PTPRD: variants seen among roughly 807,000 people sequenced by gnomAD.
PTPRD encodes the protein protein tyrosine phosphatase receptor type D, also known as receptor-type tyrosine-protein phosphatase delta.
A neutral mutation model predicts 214.5 loss-of-function variants in PTPRD; 34 were observed. The ratio of observed to expected loss-of-function variants is 0.16; its 90% CI spans 0.12 to 0.21. The LOEUF (loss-of-function observed/expected upper bound fraction) is 0.21. PTPRD is among the 10% of genes least tolerant of loss of function. The probability of loss-of-function intolerance (pLI) is 1.00; values close to 1 mark genes in which losing one functional copy is unlikely to be tolerated. For missense variants in PTPRD, 2,545 were observed against 2,398.7 expected, an observed-to-expected ratio of 1.06 and a Z score of -1.27; for synonymous variants, 1,128 against 845.7, an observed-to-expected ratio of 1.33 and a Z score of -5.79.
Position 8,499,833 on chromosome 9 carries a change from A to G in PTPRD, c.2136T>C (p.Ser712=). 6.2e-7 allele frequency: 1 copy of G among 1,609,834 alleles called. No homozygotes were observed. The highest frequency in any genetic ancestry group is 8.5e-7 in the Non-Finnish European group (1 of 1,178,202). ...CTACCTCGACTTTGCGAGGAGGACC[A>G]CTAGGAACTGGAACAACATCATTGG... The part of the protein sequence containing the change: ...VLIRTNEDVP[S]GPPRKVEVEA... The change falls in exon 25 of 46, where the codon AGT becomes AGC. Residue 712 remains serine (S), a synonymous_variant. Coordinates refer to ENST00000381196, the MANE Select transcript of PTPRD (RefSeq NM_002839.4).
intron 3 of PTPRD, among the ~76,000 whole-genome samples, chr9:10,133,526 CAAAT>C (rs1186687131): frequency 6.7e-6 from 1 of 150,324 alleles, no homozygotes; most frequent in Non-Finnish European, 1.5e-5. Context: ...TGTACGTGCA[CAAAT>C]AACATAAATA....
chr9:8,497,162 G>A, intron 26 of PTPRD, 80 bp downstream of exon 26: 1 of 1,230,306 alleles, frequency 8.1e-7, no homozygotes, highest in Non-Finnish European at 1.1e-6. Flanking sequence ...TGTGATGACA[G>A]ATCACAAATA....
At chr9:10,013,529 G>T (rs1174196363) in intron 4 of PTPRD, among the ~76,000 whole-genome samples, 5 of 150,638 alleles carry the variant, frequency 3.3e-5, no homozygotes, top group African/African-American at 9.7e-5. Flanking sequence ...TAATTTCAGA[G>T]GTAAAGTCAG....
intron 34 of PTPRD, among the ~76,000 whole-genome samples, chr9:8,440,556 G>A (rs186562119): frequency 5.3e-5 from 8 of 152,244 alleles, no homozygotes; most frequent in South Asian, 2.1e-4. Flanking sequence ...CTCATGATCC[G>A]CCTGCCTCGG....
intron 10 of PTPRD, among the ~76,000 whole-genome samples, chr9:9,088,400 T>C (rs1194982039): frequency 6.6e-6 from 1 of 150,908 alleles, no homozygotes; most frequent in Non-Finnish European, 1.5e-5. Flanking sequence ...ACCAACATGG[T>C]GAAACCCTGT....
At chr9:10,366,926 T>C (rs2097527670) in intron 2 of PTPRD, among the ~76,000 whole-genome samples, 1 of 152,120 alleles carries the variant, frequency 6.6e-6, no homozygotes, top group Admixed American at 6.6e-5. Context: ...GGATAATGAT[T>C]AGGAAGAAGG....
At chr9:9,780,557 C>G (rs377376569) in intron 5 of PTPRD, among the ~76,000 whole-genome samples, 24 of 152,182 alleles carry the variant, frequency 1.6e-4, no homozygotes, top group African/African-American at 5.8e-4. Flanking sequence ...TTAGCAAACA[C>G]AGAATAACAA....
chr9:9,921,629 G>A (rs1180177658), intron 5 of PTPRD, among the ~76,000 whole-genome samples: 2 of 146,390 alleles, frequency 1.4e-5, no homozygotes, highest in African/African-American at 5.3e-5. Context: ...AAAATTAAAA[G>A]CCCTGATTTT....
chr9:9,441,707 A>G (rs961969745), intron 8 of PTPRD, among the ~76,000 whole-genome samples: 6 of 152,212 alleles, frequency 3.9e-5, no homozygotes, highest in Admixed American at 3.9e-4. Context: ...ACCGAAAAAA[A>G]AATCCACTTT....
At chr9:9,711,964 A>G (rs1164804815) in intron 7 of PTPRD, among the ~76,000 whole-genome samples, 5 of 152,200 alleles carry the variant, frequency 3.3e-5, no homozygotes, top group Non-Finnish European at 7.3e-5. Flanking sequence ...GGGCACAAAT[A>G]CTGTCATTCT....
At position 9,830,447 on chromosome 9, in the gene PTPRD, C is replaced by T. The variant is rs145140667; in HGVS notation, c.-367-63596G>A. Among the ~76,000 whole-genome samples the T allele has an allele frequency of 2.6e-3, 398 of 151,858 alleles. 1 individual carries two copies. Among genetic ancestry groups the T allele is most frequent in the African/African-American group, 9.3e-3 (384 of 41,488 alleles). ...ATAAAAGATTACATAAAGTATGATC[C>T]TATTTTTGATAGATAATCATATGTA... On this transcript the variant is annotated intron_variant, in intron 5 of 45. Transcript: ENST00000381196.
At position 9,669,146 on chromosome 9, in the gene PTPRD, G is replaced by A. The variant is rs556998518; in HGVS notation, c.-287+65387C>T. On this transcript the variant is annotated intron_variant, in intron 7 of 45. Coordinates refer to ENST00000381196, the MANE Select transcript of PTPRD (RefSeq NM_002839.4). ...AGGGTACATGTGCATCCCATTACTG[G>A]GTATATACCCAAAGGATTATAAATC... is the stretch of plus-strand genomic sequence containing the variant. Among the ~76,000 whole-genome samples, 9 of 151,916 alleles carry A rather than the reference G, an allele frequency of 5.9e-5. No homozygotes were observed. The South Asian group carries it at 1.7e-3, about 28-fold the overall frequency.
chr9:9,067,722 C>A (rs1400610946), intron 10 of PTPRD, among the ~76,000 whole-genome samples: 1 of 152,134 alleles, frequency 6.6e-6, no homozygotes, highest in Non-Finnish European at 1.5e-5. Flanking sequence ...TATCCAGTTT[C>A]TCTCAGTGGT....
chr9:9,687,874 C>T (rs1269074725), intron 7 of PTPRD, among the ~76,000 whole-genome samples: 1 of 151,838 alleles, frequency 6.6e-6, no homozygotes, highest in African/African-American at 2.4e-5. Flanking sequence ...TCTATGTCCC[C>T]ACCCAACTCT....
chr9:8,433,099 G>A (rs1481336618), intron 35 of PTPRD, among the ~76,000 whole-genome samples: 1 of 152,304 alleles, frequency 6.6e-6, no homozygotes, highest in Admixed American at 6.5e-5. Flanking sequence ...GCCATGTGCT[G>A]CATAATGACA....
At chr9:10,265,606 T>C (rs1320326952) in intron 3 of PTPRD, among the ~76,000 whole-genome samples, 2 of 152,226 alleles carry the variant, frequency 1.3e-5, no homozygotes. Context: ...TACTCAACTC[T>C]GTCATTGTAG....
chr9:9,928,755 TATAC>T (rs2085253520), intron 5 of PTPRD, among the ~76,000 whole-genome samples: 1 of 109,624 alleles, frequency 9.1e-6, no homozygotes, highest in African/African-American at 3.7e-5. Flanking sequence ...TCTCTCTCTC[TATAC>T]ACACACACAC....
chr9:8,748,522 C>T (rs1316950320), intron 11 of PTPRD, among the ~76,000 whole-genome samples: 1 of 37,862 alleles, frequency 2.6e-5, no homozygotes, highest in African/African-American at 7.2e-5. Flanking sequence ...CCTGCAACTG[C>T]AAAAAAAAAA....
In PTPRD at chr9:8,618,914, G is replaced by GT. The variant is rs554282961; in HGVS notation, c.352+14402dup. On this transcript the variant is annotated intron_variant, in intron 14 of 45. Coordinates refer to ENST00000381196, the MANE Select transcript of PTPRD (RefSeq NM_002839.4). ...TGTGTGTGTTTGTCTGTGTTTTTTT[G>GT]TTTTTTTTTTTTTTTTTTTTTTTTT... Among the ~76,000 whole-genome samples the GT allele has an allele frequency of 3.4e-4, 23 of 67,832 alleles. 1 individual carries two copies. In the East Asian group the frequency reaches 3.5e-3, roughly 10 times the overall value. The allele number at this position is 67,832 out of a possible 152,430, so 44.5% of individuals were successfully genotyped here.
Sources: gnomAD v4.1 joint callset for allele counts (sites outside exome capture counted in the v4.1 genomes callset) on GRCh38, gnomAD v4.1.1 for gene constraint, MANE v1.5 for transcripts, NCBI Gene and HGNC (gene_info 2026-07-23, HGNC 2026-07-21) for gene names.